The following DHX57 variants were observed in gnomAD, a reference collection of about 807,000 sequenced individuals.
DHX57 encodes the protein DExH-box helicase 57.
A neutral mutation model predicts 156.2 loss-of-function variants in DHX57; 105 were observed. That is an observed-to-expected ratio of 0.67 (90% CI 0.57 to 0.79). DHX57 has a LOEUF of 0.79. DHX57 is among the 30% of genes least tolerant of loss of function. DHX57 has a pLI of 0.00. For synonymous variants in DHX57, 704 were observed against 595.6 expected (o/e 1.18, Z -2.65); for missense variants, 1,847 against 1,661.9 (o/e 1.11, Z -1.94).
At chr2:38,805,193 G>A (rs961109329) in intron 22 of DHX57, among the ~76,000 whole-genome samples, 4 of 152,138 alleles carry the variant, frequency 2.6e-5, no homozygotes, top group African/African-American at 4.8e-5. Flanking sequence ...TAACTCAGGC[G>A]TCTGGTTCCT....
intron 20 of DHX57, 68 bp from the exon 21 acceptor site, chr2:38,813,963 A>T (rs2148544597): frequency 3.2e-6 from 5 of 1,556,790 alleles, no homozygotes; most frequent in Admixed American, 1.7e-5. Context: ...TTTGAGATGG[A>T]GTCTTGCTCT....
intron 13 of DHX57, among the ~76,000 whole-genome samples, chr2:38,833,987 T>C (rs1285181221): frequency 1.3e-5 from 2 of 152,134 alleles, no homozygotes; most frequent in Non-Finnish European, 2.9e-5. Context: ...TTATGGACCA[T>C]ACCTGGCGCC....
chr2:38,848,455 A>G (rs1242061819), intron 9 of DHX57, 53 bp from the exon 10 acceptor site: 33 of 1,536,490 alleles, frequency 2.1e-5, no homozygotes, highest in African/African-American at 9.8e-5. Context: ...ACACATGAAA[A>G]TTAGTAACTT....
chr2:38,816,372 G>A (rs988482557), intron 19 of DHX57, among the ~76,000 whole-genome samples: 4 of 152,024 alleles, frequency 2.6e-5, no homozygotes, highest in African/African-American at 7.2e-5. Flanking sequence ...GTGCCACCAC[G>A]CCCAGCCAAT....
chr2:38,834,674 G>A (rs1451915774), intron 13 of DHX57, among the ~76,000 whole-genome samples: 1 of 152,100 alleles, frequency 6.6e-6, no homozygotes, highest in East Asian at 1.9e-4. Context: ...AAGTACTCCC[G>A]AGAAGCAGAG....
At chr2:38,846,896 C>T (rs1355326038) in intron 11 of DHX57, 123 bp downstream of exon 11, 2 of 620,940 alleles carry the variant, frequency 3.2e-6, no homozygotes, top group South Asian at 2.7e-5. Flanking sequence ...AATATGTTGC[C>T]CAAGCTGGTC....
chr2:38,798,259 T>G lies in DHX57; in HGVS notation c.*40A>C. On this transcript the variant is annotated 3_prime_UTR_variant, in exon 24 of 24. Coordinates refer to ENST00000457308, the MANE Select transcript of DHX57 (RefSeq NM_198963.3). ...TTCTGCTGTTATTTCCCAGGTGAGC[T>G]AGAAGCAGGTGAGTAGCAAGCACTC... The G allele has an allele frequency of 1.3e-6, 2 of 1,583,360 alleles. No individual in the cohort carries two copies. The highest frequency in any genetic ancestry group is 2.2e-5 in the East Asian group (1 of 44,548).
chr2:38,818,995 A>G, intron 18 of DHX57, 35 bp from the exon 19 acceptor site: 1 of 1,613,984 alleles, frequency 6.2e-7, no homozygotes, highest in Non-Finnish European at 8.5e-7. Flanking sequence ...GAACTTACTC[A>G]GTCTTCAGTG....
chr2:38,871,312 C>T (rs1163075284), intron 1 of DHX57, among the ~76,000 whole-genome samples: 3 of 152,090 alleles, frequency 2.0e-5, no homozygotes, highest in African/African-American at 7.2e-5. Context: ...TTGCCAATAA[C>T]AGCACAAAGA....
At chr2:38,813,376 G>GTT (rs1045898471) in intron 21 of DHX57, among the ~76,000 whole-genome samples, 3 of 143,338 alleles carry the variant, frequency 2.1e-5, no homozygotes, top group African/African-American at 2.5e-5. Context: ...TGTATACTAA[G>GTT]TTTTTTTTTT....
intron 5 of DHX57, among the ~76,000 whole-genome samples, chr2:38,859,678 G>T (rs1486863560): frequency 6.6e-5 from 10 of 152,044 alleles, no homozygotes; most frequent in Non-Finnish European, 1.5e-4. Context: ...GAGTGAATCT[G>T]GCTAAATGAC....
chr2:38,862,015 GA>G, intron 4 of DHX57, 129 bp downstream of exon 4: 1 of 1,245,854 alleles, frequency 8.0e-7, no homozygotes, highest in Middle Eastern at 2.7e-4. Flanking sequence ...TGATAAGATA[GA>G]ATATTAGGCC....
At position 38,826,621 on chromosome 2, in the gene DHX57, G is replaced by A. The variant is rs766952788; in HGVS notation, c.2708C>T (p.Pro903Leu). 1 of 1,614,108 alleles carries A rather than the reference G, an allele frequency of 6.2e-7. No individual in the cohort carries two copies. The highest frequency in any genetic ancestry group is 8.5e-7 in the Non-Finnish European group (1 of 1,180,014). ...AATTATAATCTTAGTTACTCCTGCA[G>A]GAGGTTTTACAAACACAGCCTGCTG... ...EEQQAVFVKPPAGVTKIIIST... is the reference protein window; with the variant it reads ...EEQQAVFVKPLAGVTKIIIST... Residue 903 changes from proline (P) to leucine (L), a missense_variant, in exon 15 of 24, where the codon CCT (proline) becomes CTT (leucine). Physicochemically the swap from Pro to Leu is moderately conservative, Grantham distance 98. Transcript: ENST00000457308.
Position 38,861,207 on chromosome 2 carries a change from C to T in DHX57, c.1203G>A (p.Ala401=), listed in dbSNP as rs771457007. 33 of 1,613,948 alleles carry T rather than the reference C, an allele frequency of 2.0e-5. No individual in the cohort carries two copies. The highest frequency in any genetic ancestry group is 8.8e-5 in the South Asian group (8 of 91,084). ...EFLYDKALTF[A]ETSEPVVYSL... ...AATATACGACAGGTTCCGAAGTTTC[C>T]GCAAATGTCAAGGCCTTGTCATAAA... The change falls in exon 5 of 24, where the codon GCG becomes GCA. Residue 401 remains alanine, a synonymous_variant. Coordinates refer to ENST00000457308, the MANE Select transcript of DHX57 (RefSeq NM_198963.3).
chr2:38,866,247 T>C (rs1218386664), intron 2 of DHX57, among the ~76,000 whole-genome samples: 1 of 152,214 alleles, frequency 6.6e-6, no homozygotes, highest in Non-Finnish European at 1.5e-5. Context: ...CATGAAGTCC[T>C]ATACAGTCTG....
intron 17 of DHX57, 131 bp downstream of exon 17, chr2:38,822,862 C>A (rs1218129244): frequency 2.2e-6 from 2 of 889,406 alleles, no homozygotes; most frequent in African/African-American, 3.4e-5. Flanking sequence ...TGCAGATGTG[C>A]CCTAAAAATT....
At chr2:38,861,965 G>T in intron 4 of DHX57, 128 bp from the exon 5 acceptor site, 1 of 1,236,898 alleles carries the variant, frequency 8.1e-7, no homozygotes. Context: ...TTTTGAAAAA[G>T]CATCCCTGAT....
intron 13 of DHX57, among the ~76,000 whole-genome samples, chr2:38,832,955 A>G (rs540093041): frequency 2.6e-5 from 4 of 151,598 alleles, no homozygotes; most frequent in Admixed American, 2.0e-4. Context: ...TCTGAGAAAT[A>G]CAGTGGTGAA....
In DHX57 at chr2:38,837,781, A is replaced by G. The variant is rs368332827; in HGVS notation, c.2542+50T>C. ...TCATGAATAGACTCCCATTTAGCCAAGGACTAAGTGTTTCAATTGTCATTC... is the reference window on the plus strand; with the variant it reads ...TCATGAATAGACTCCCATTTAGCCAGGGACTAAGTGTTTCAATTGTCATTC... On this transcript the variant is annotated intron_variant, in intron 13 of 23. Transcript: ENST00000457308. The G allele has an allele frequency of 2.3e-5, 26 of 1,138,714 alleles. No homozygotes were observed. The African/African-American group carries it at 2.9e-4, about 13-fold the overall frequency. The allele number at this position is 1,138,714 out of a possible 1,614,324, so 70.5% of individuals were successfully genotyped here.
Sources: gnomAD v4.1 joint callset for allele counts (sites outside exome capture counted in the v4.1 genomes callset) on GRCh38, gnomAD v4.1.1 for gene constraint, MANE v1.5 for transcripts, NCBI Gene and HGNC (gene_info 2026-07-23, HGNC 2026-07-21) for gene names.